The following EDIL3 variants were observed in gnomAD, a reference collection of about 807,000 sequenced individuals.
EDIL3 encodes EGF-like repeat and discoidin I-like domain-containing protein 3.
A neutral mutation model predicts 67.4 loss-of-function variants in EDIL3; 37 were observed. The observed-to-expected ratio is 0.55, with a 90% CI of 0.42 to 0.72. EDIL3 has a LOEUF of 0.72. EDIL3 is among the 30% of genes least tolerant of loss of function. EDIL3 has a pLI of 0.00. For missense variants in EDIL3, 527 were observed against 586.3 expected, an observed-to-expected ratio of 0.90 and a Z score of 1.04; for synonymous variants, 195 against 196.3, an observed-to-expected ratio of 0.99 and a Z score of 0.05.
intron 9 of EDIL3, among the ~76,000 whole-genome samples, chr5:84,019,603 C>T (rs1236281918): frequency 6.6e-6 from 1 of 151,592 alleles, no homozygotes; most frequent in African/African-American, 2.4e-5. Flanking sequence ...ACAAAGAAAA[C>T]AAAAAGCCCC....
At chr5:84,296,280 G>A (rs1242225956) in intron 1 of EDIL3, among the ~76,000 whole-genome samples, 5 of 152,152 alleles carry the variant, frequency 3.3e-5, no homozygotes, top group African/African-American at 1.2e-4. Context: ...AGTTCAACTT[G>A]CTAAGTAGGT....
At chr5:84,166,693 C>G (rs902607450) in intron 4 of EDIL3, among the ~76,000 whole-genome samples, 1 of 152,060 alleles carries the variant, frequency 6.6e-6, no homozygotes, top group Non-Finnish European at 1.5e-5. Flanking sequence ...AAGAGAGGAA[C>G]AGCAAAGAGA....
chr5:84,011,938 T>A (rs1937611989), intron 9 of EDIL3, among the ~76,000 whole-genome samples: 1 of 152,138 alleles, frequency 6.6e-6, no homozygotes, highest in African/African-American at 2.4e-5. Flanking sequence ...GATATTATCA[T>A]TAATTTCACT....
At chr5:84,296,876 A>C (rs1210518285) in intron 1 of EDIL3, among the ~76,000 whole-genome samples, 2 of 152,146 alleles carry the variant, frequency 1.3e-5, no homozygotes, top group African/African-American at 2.4e-5. Context: ...AACTTAAGCA[A>C]ATTTTTAAGA....
At chr5:83,964,257 A>G (rs898389109) in intron 9 of EDIL3, among the ~76,000 whole-genome samples, 1 of 151,912 alleles carries the variant, frequency 6.6e-6, no homozygotes, top group Non-Finnish European at 1.5e-5. Flanking sequence ...ATTTTTTAAA[A>G]ATCTAGAATA....
At chr5:84,019,423 T>C (rs927600168) in intron 9 of EDIL3, among the ~76,000 whole-genome samples, 5 of 151,798 alleles carry the variant, frequency 3.3e-5, no homozygotes, top group African/African-American at 9.7e-5. Context: ...GGGATAGCAT[T>C]AGGAGATATA....
chr5:84,357,611 G>A (rs1157437340), intron 1 of EDIL3, among the ~76,000 whole-genome samples: 1 of 152,068 alleles, frequency 6.6e-6, no homozygotes, highest in Admixed American at 6.6e-5. Flanking sequence ...AGCGAGGGCT[G>A]GGTGCAGTGG....
At chr5:84,209,013 G>A (rs578098861) in intron 3 of EDIL3, among the ~76,000 whole-genome samples, 5 of 152,078 alleles carry the variant, frequency 3.3e-5, no homozygotes, top group Admixed American at 2.0e-4. Context: ...AAGAAAATGT[G>A]GCACATATAC....
At chr5:84,308,389 G>A (rs1016389370) in intron 1 of EDIL3, among the ~76,000 whole-genome samples, 1 of 152,202 alleles carries the variant, frequency 6.6e-6, no homozygotes, top group African/African-American at 2.4e-5. Flanking sequence ...AGGAAAGACT[G>A]TAAACCTTAA....
chr5:84,032,271 AAATCCAAACAGCT>A (rs1254148698), intron 9 of EDIL3, among the ~76,000 whole-genome samples: 1 of 152,162 alleles, frequency 6.6e-6, no homozygotes, highest in East Asian at 1.9e-4. Flanking sequence ...ATTTCCTTAA[AAATCCAAACAGCT>A]AAATCATAAA....
chr5:84,209,096 A>G (rs1233639303), intron 3 of EDIL3, among the ~76,000 whole-genome samples: 1 of 152,110 alleles, frequency 6.6e-6, no homozygotes, highest in Non-Finnish European at 1.5e-5. Flanking sequence ...GAAATTGGAA[A>G]TCATCATTCT....
chr5:84,007,782 A>T (rs1745445099), intron 9 of EDIL3, among the ~76,000 whole-genome samples: 1 of 152,124 alleles, frequency 6.6e-6, no homozygotes, highest in South Asian at 2.1e-4. Context: ...TTTTGTATAC[A>T]TACCAAAAAT....
chr5:83,976,237 A>G (rs1188040534), intron 9 of EDIL3, among the ~76,000 whole-genome samples: 1 of 151,902 alleles, frequency 6.6e-6, no homozygotes, highest in African/African-American at 2.4e-5. Flanking sequence ...AGACAATGAC[A>G]TAAGTTGTCA....
At position 84,106,702 on chromosome 5, in the gene EDIL3, C is replaced by A; in HGVS notation, c.598G>T (p.Gly200Trp). The stretch of plus-strand genomic sequence containing the variant: ...GCAGCTGTCCACGCATTTATAAGCC[C>A]CTTCTTATTAAGACGTGCATAGTAG... The part of the protein sequence containing the change: ...YPYYARLNKK[G>W]LINAWTAAEN... Residue 200 changes from glycine (G) to tryptophan (W), a missense_variant, in exon 6 of 11, where the codon GGG becomes TGG. Gly to Trp is a radical substitution (Grantham distance 184). This residue lies in a region of EDIL3 where 494 missense variants were observed against 522.5 expected (regional missense o/e 0.95). Transcript: ENST00000296591. 1 of 1,612,306 alleles carries A rather than the reference C, an allele frequency of 6.2e-7. No homozygotes were observed. Among genetic ancestry groups the A allele is most frequent in the Non-Finnish European group, 8.5e-7 (1 of 1,179,148 alleles).
chr5:84,112,017 A>G (rs1401587748), intron 5 of EDIL3, among the ~76,000 whole-genome samples: 1 of 152,076 alleles, frequency 6.6e-6, no homozygotes, highest in Non-Finnish European at 1.5e-5. Flanking sequence ...TGCTATGATG[A>G]GGGAATTAGA....
At chr5:84,085,114 G>A (rs1354184135) in intron 6 of EDIL3, among the ~76,000 whole-genome samples, 1 of 152,176 alleles carries the variant, frequency 6.6e-6, no homozygotes, top group Non-Finnish European at 1.5e-5. Flanking sequence ...AAACATGTGG[G>A]TTAGAACATG....
intron 10 of EDIL3, among the ~76,000 whole-genome samples, chr5:83,954,007 G>A (rs1013381652): frequency 7.2e-4 from 110 of 151,808 alleles, no homozygotes; most frequent in African/African-American, 2.6e-3. Flanking sequence ...ATATATGACA[G>A]GTATCATTTG....
At chr5:84,005,076 C>T (rs576774300) in intron 9 of EDIL3, among the ~76,000 whole-genome samples, 1 of 152,026 alleles carries the variant, frequency 6.6e-6, no homozygotes. Flanking sequence ...TACACACAAA[C>T]TAGAAAACCT....
At chr5:83,973,353 C>T (rs1722527306) in intron 9 of EDIL3, among the ~76,000 whole-genome samples, 1 of 152,082 alleles carries the variant, frequency 6.6e-6, no homozygotes. Flanking sequence ...ACTTTAATTA[C>T]AGCAGTGACT....
Sources: gnomAD v4.1 joint callset for allele counts (sites outside exome capture counted in the v4.1 genomes callset) on GRCh38, gnomAD v4.1.1 for gene constraint, gnomAD v4.1.1 regional missense constraint, MANE v1.5 for transcripts, NCBI Gene and HGNC (gene_info 2026-07-23, HGNC 2026-07-21) for gene names.